The following INPP5D variants were observed in gnomAD, a reference collection of about 807,000 sequenced individuals.
The protein encoded by INPP5D is phosphatidylinositol 3,4,5-trisphosphate 5-phosphatase 1.
In INPP5D, 33 loss-of-function variants were observed where a neutral mutation model predicts 122.9. That is an observed-to-expected ratio of 0.27 (90% CI 0.20 to 0.36). The LOEUF is 0.36. INPP5D is among the 10% of genes least tolerant of loss of function. The probability of loss-of-function intolerance (pLI) is 1.00; values close to 1 mark genes in which losing one functional copy is unlikely to be tolerated. For synonymous variants in INPP5D, 584 were observed against 576.2 expected (o/e 1.01, Z -0.19); for missense variants, 1,053 against 1,412.7 (o/e 0.75, Z 4.08).
intron 5 of INPP5D, chr2:233,134,244 T>G: frequency 3.1e-6 from 1 of 322,890 alleles, no homozygotes; most frequent in Non-Finnish European, 6.2e-6. Flanking sequence ...TCACCAGCCA[T>G]GGAGCTAGTG....
At chr2:233,061,854 G>A (rs1466215849) in intron 1 of INPP5D, among the ~76,000 whole-genome samples, 1 of 152,232 alleles carries the variant, frequency 6.6e-6, no homozygotes, top group Non-Finnish European at 1.5e-5. Context: ...GGGCAGGCAT[G>A]TAGCCTTGCA....
At chr2:233,136,623 A>G (rs1412582265) in intron 5 of INPP5D, among the ~76,000 whole-genome samples, 1 of 152,184 alleles carries the variant, frequency 6.6e-6, no homozygotes, top group Non-Finnish European at 1.5e-5. Flanking sequence ...TTTATTCGAT[A>G]TTCATGAACA....
intron 10 of INPP5D, among the ~76,000 whole-genome samples, 180 bp from the exon 11 acceptor site, chr2:233,161,544 G>A (rs28609111): frequency 0.35 from 52,526 of 152,130 alleles, 11,240 homozygotes; most frequent in Non-Finnish European, 0.48. Context: ...TTGCAGGGGA[G>A]TGTCTAGGCC....
At chr2:233,094,787 G>T (rs1361087618) in intron 2 of INPP5D, among the ~76,000 whole-genome samples, 1 of 152,120 alleles carries the variant, frequency 6.6e-6, no homozygotes, top group African/African-American at 2.4e-5. Flanking sequence ...ACCATGTGTG[G>T]GTTGGGGGAA....
Position 233,082,725 on chromosome 2 carries a change from C to A in INPP5D, c.198+3327C>A, listed in dbSNP as rs1048830993. On this transcript the variant is annotated intron_variant, in intron 2 of 26. Coordinates refer to ENST00000445964, the MANE Select transcript of INPP5D (RefSeq NM_001017915.3). The surrounding 1 kb of genome is among the most constrained non-coding windows in gnomAD (Gnocchi z 4.7). The stretch of plus-strand genomic sequence containing the variant: ...GGGGGACTCTTTTCTCTCACTCCAT[C>A]TTTCACAGACTTAAAAAAAATCCGA... Among the ~76,000 whole-genome samples, 1 of 152,178 alleles carries A rather than the reference C, an allele frequency of 6.6e-6. No homozygotes were observed. The highest frequency in any genetic ancestry group is 2.1e-4 in the South Asian group (1 of 4,832).
intron 6 of INPP5D, among the ~76,000 whole-genome samples, chr2:233,143,038 C>A (rs1299687161): frequency 6.6e-6 from 1 of 152,158 alleles, no homozygotes; most frequent in Non-Finnish European, 1.5e-5. Context: ...CTGGGCTAGC[C>A]CCCAATTCAC....
intron 16 of INPP5D, 51 bp from the exon 17 acceptor site, chr2:233,171,013 A>G: frequency 6.3e-7 from 1 of 1,598,732 alleles, no homozygotes; most frequent in Non-Finnish European, 8.5e-7. Context: ...AAAATTGGCC[A>G]GATGCAAAAC....
At chr2:233,090,409 C>T (rs1272921440) in intron 2 of INPP5D, among the ~76,000 whole-genome samples, 1 of 152,068 alleles carries the variant, frequency 6.6e-6, no homozygotes, top group African/African-American at 2.4e-5. Context: ...GTCAAGAGAC[C>T]CTGCCAGGCT....
Position 233,105,441 on chromosome 2 carries a change from A to G in INPP5D, c.199-16666A>G, listed in dbSNP as rs1290869882. ...TTGGTGAATCCTTCCCTGATCCACC[A>G]GGCTGAGTCTCCCGGAGCACCCTCC... On this transcript the variant is annotated intron_variant, in intron 2 of 26. Coordinates refer to ENST00000445964, the MANE Select transcript of INPP5D (RefSeq NM_001017915.3). This position sits in a 1 kb window ranked among gnomAD's most constrained non-coding sequence, Gnocchi z 4.0. Among the ~76,000 whole-genome samples the G allele has an allele frequency of 6.6e-6, 1 of 152,160 alleles. No homozygotes were observed. Among genetic ancestry groups the G allele is most frequent in the Non-Finnish European group, 1.5e-5 (1 of 68,024 alleles).
intron 2 of INPP5D, among the ~76,000 whole-genome samples, chr2:233,102,185 A>G (rs779061152): frequency 1.3e-5 from 2 of 152,232 alleles, no homozygotes; most frequent in Admixed American, 1.3e-4. Context: ...CGTAGCTGAC[A>G]TGGTGTTTTA....
In INPP5D at chr2:233,137,846, AAAAAAAAATATATATATATATAT is replaced by A. The variant is rs1693510816; in HGVS notation, c.666-1994_666-1972del. On this transcript the variant is annotated intron_variant, in intron 5 of 26. Coordinates refer to ENST00000445964, the MANE Select transcript of INPP5D (RefSeq NM_001017915.3). Reference sequence around the variant, plus strand: ...AAACTCCATCACAAAAAAAAAAAAAAAAAAAAAATATATATATATATATATATATATATATATATATATATATA... The same window carrying A: ...AAACTCCATCACAAAAAAAAAAAAAAATATATATATATATATATATATATA... Among the ~76,000 whole-genome samples, 3 of 15,310 alleles carry A rather than the reference AAAAAAAAATATATATATATATAT, an allele frequency of 2.0e-4. 1 individual carries two copies. Among genetic ancestry groups the A allele is most frequent in the African/African-American group, 3.5e-4 (2 of 5,680 alleles). The allele number at this position is 15,310 out of a possible 152,430, so 10.0% of individuals were successfully genotyped here.
chr2:233,173,260 T>C (rs977896625), intron 17 of INPP5D, among the ~76,000 whole-genome samples: 1 of 150,156 alleles, frequency 6.7e-6, no homozygotes, highest in African/African-American at 2.5e-5. Flanking sequence ...GCACTTACCA[T>C]GAATGAAGCT....
chr2:233,159,565 G>A (rs1392827261), intron 10 of INPP5D, among the ~76,000 whole-genome samples: 1 of 151,620 alleles, frequency 6.6e-6, no homozygotes, highest in South Asian at 2.1e-4. Flanking sequence ...GTGGTGGCAT[G>A]AGCCTGTAGT....
At position 233,170,830 on chromosome 2, in the gene INPP5D, A is replaced by G. The variant is rs1024653597; in HGVS notation, c.1900+226A>G. Among the ~76,000 whole-genome samples, 2 of 148,896 alleles carry G rather than the reference A, an allele frequency of 1.3e-5. No individual in the cohort carries two copies. The highest frequency in any genetic ancestry group is 2.5e-5 in the African/African-American group (1 of 40,294). On this transcript the variant is annotated intron_variant, in intron 16 of 26. Coordinates refer to ENST00000445964, the MANE Select transcript of INPP5D (RefSeq NM_001017915.3). The surrounding 1 kb of genome is among the most constrained non-coding windows in gnomAD (Gnocchi z 4.5). ...CTGAGGCAGGAGGATGGTGTGAACC[A>G]GGGAGGCAGAGCTTGCAGTGAGCCA...
chr2:233,155,480 G>T (rs1694025803), intron 9 of INPP5D, among the ~76,000 whole-genome samples: 1 of 151,992 alleles, frequency 6.6e-6, no homozygotes, highest in African/African-American at 2.4e-5. Flanking sequence ...AAATTAGATG[G>T]GCATGGTGGT....
intron 17 of INPP5D, among the ~76,000 whole-genome samples, chr2:233,174,356 A>G (rs1169182997): frequency 6.6e-6 from 1 of 152,262 alleles, no homozygotes; most frequent in East Asian, 1.9e-4. Flanking sequence ...CAGCAGCACT[A>G]CGTGATGGGG....
Position 233,204,257 on chromosome 2 carries a change from A to T in INPP5D, c.3107A>T (p.Asp1036Val). The change falls in exon 26 of 27, where the codon GAC becomes GTC. Residue 1036 changes from aspartate (D) to valine (V), a missense_variant. Asp to Val is a radical substitution (Grantham distance 152). Transcript: ENST00000445964. ...TTCCCTAAGCCTGCTCCCAGGAAGG[A>T]CCAGGAATCCCCCAAAATGCCGCGG... is the stretch of plus-strand genomic sequence containing the variant. ...SSFPKPAPRKDQESPKMPRKE... is the reference protein window; with the variant it reads ...SSFPKPAPRKVQESPKMPRKE... The T allele has an allele frequency of 6.2e-7, 1 of 1,613,518 alleles. No homozygotes were observed. The highest frequency in any genetic ancestry group is 8.5e-7 in the Non-Finnish European group (1 of 1,179,838).
intron 11 of INPP5D, 124 bp from the exon 12 acceptor site, chr2:233,163,583 C>G: frequency 2.6e-5 from 39 of 1,510,958 alleles, no homozygotes; most frequent in Non-Finnish European, 3.4e-5. Flanking sequence ...TTTCTTTGGG[C>G]TGCCTGGATG....
At chr2:233,158,681 A>G (rs553808246) in intron 10 of INPP5D, among the ~76,000 whole-genome samples, 2 of 152,220 alleles carry the variant, frequency 1.3e-5, no homozygotes, top group South Asian at 2.1e-4. Context: ...ATCCTTTATG[A>G]CCCACATCTA....
Sources: gnomAD v4.1 joint callset for allele counts (sites outside exome capture counted in the v4.1 genomes callset) on GRCh38, gnomAD v4.1.1 for gene constraint, Gnocchi (gnomAD v3.1) non-coding constraint, MANE v1.5 for transcripts, NCBI Gene and HGNC (gene_info 2026-07-23, HGNC 2026-07-21) for gene names.